The following NXPH2 variants were observed in gnomAD, a reference collection of about 807,000 sequenced individuals.
NXPH2 encodes neurexophilin 2, also known as neurexophilin-2.
A neutral mutation model predicts 19.8 loss-of-function variants in NXPH2; 5 were observed. The ratio of observed to expected loss-of-function variants is 0.25; its 90% confidence interval spans 0.13 to 0.53. The LOEUF (loss-of-function observed/expected upper bound fraction) is 0.53. NXPH2 is among the 20% of genes least tolerant of loss of function. The probability of loss-of-function intolerance (pLI) is 0.96; values close to 1 mark genes in which losing one functional copy is unlikely to be tolerated. For synonymous variants in NXPH2, 154 were observed against 127.4 expected (o/e 1.21, Z -1.41); for missense variants, 289 against 322.8 (o/e 0.90, Z 0.80).
intron 1 of NXPH2, among the ~76,000 whole-genome samples, chr2:138,753,741 C>T (rs1237782397): frequency 1.3e-5 from 2 of 152,258 alleles, no homozygotes; most frequent in Non-Finnish European, 2.9e-5. Context: ...TAAATTCCAG[C>T]TTCAGAGTGA....
intron 1 of NXPH2, among the ~76,000 whole-genome samples, chr2:138,680,125 G>C (rs1396253784): frequency 2.0e-5 from 3 of 152,180 alleles, no homozygotes; most frequent in African/African-American, 7.2e-5. Flanking sequence ...TGATTTATTA[G>C]AAGGATTTGG....
At chr2:138,722,210 G>A (rs1573966626) in intron 1 of NXPH2, among the ~76,000 whole-genome samples, 1 of 152,216 alleles carries the variant, frequency 6.6e-6, no homozygotes, top group Non-Finnish European at 1.5e-5. Context: ...AACTAACTGA[G>A]AACTGCTTTT....
At chr2:138,726,188 G>A (rs1030955389) in intron 1 of NXPH2, among the ~76,000 whole-genome samples, 9 of 151,900 alleles carry the variant, frequency 5.9e-5, no homozygotes, top group Admixed American at 4.6e-4. Context: ...GATTACATGC[G>A]CCTGCCACCG....
intron 1 of NXPH2, among the ~76,000 whole-genome samples, chr2:138,760,432 G>C (rs1681992164): frequency 1.3e-5 from 2 of 152,200 alleles, no homozygotes; most frequent in South Asian, 4.1e-4. Flanking sequence ...ATTCTGGGAA[G>C]ATATATATAG....
At chr2:138,722,036 A>C (rs549516742) in intron 1 of NXPH2, among the ~76,000 whole-genome samples, 1 of 152,372 alleles carries the variant, frequency 6.6e-6, no homozygotes, top group Non-Finnish European at 1.5e-5. Context: ...TAGCTGCTCC[A>C]CTTATGCTAT....
intron 1 of NXPH2, among the ~76,000 whole-genome samples, chr2:138,675,061 C>T (rs989027265): frequency 1.3e-5 from 2 of 152,114 alleles, no homozygotes; most frequent in Non-Finnish European, 2.9e-5. Flanking sequence ...TTTAAGCTTG[C>T]TTTTAAAAAT....
At chr2:138,713,973 CA>C (rs202017615) in intron 1 of NXPH2, among the ~76,000 whole-genome samples, 5,297 of 142,366 alleles carry the variant, frequency 0.037, 111 homozygotes, top group African/African-American at 0.054. Flanking sequence ...AACAAAAAAG[CA>C]AAAAAAAAAA....
intron 1 of NXPH2, among the ~76,000 whole-genome samples, chr2:138,744,287 C>CT (rs1681691634): frequency 6.6e-6 from 1 of 152,044 alleles, no homozygotes. Flanking sequence ...GATAAATAGT[C>CT]TGTGAAACTG....
intron 1 of NXPH2, among the ~76,000 whole-genome samples, chr2:138,751,847 A>G (rs1474223633): frequency 1.3e-5 from 2 of 152,100 alleles, no homozygotes; most frequent in South Asian, 2.1e-4. Context: ...GTTGTAAGTA[A>G]TACTGAATTT....
intron 1 of NXPH2, among the ~76,000 whole-genome samples, chr2:138,717,536 T>C (rs1298458300): frequency 6.6e-6 from 1 of 151,732 alleles, no homozygotes; most frequent in African/African-American, 2.4e-5. Context: ...AGCACCTCTC[T>C]TGGAAAAAGG....
chr2:138,676,651 T>C (rs1680488443), intron 1 of NXPH2, among the ~76,000 whole-genome samples: 1 of 152,194 alleles, frequency 6.6e-6, no homozygotes, highest in South Asian at 2.1e-4. Flanking sequence ...ACTAAAAGAA[T>C]GGACGGAAAT....
intron 1 of NXPH2, among the ~76,000 whole-genome samples, chr2:138,711,270 A>G (rs1681102343): frequency 6.6e-6 from 1 of 150,888 alleles, no homozygotes; most frequent in Non-Finnish European, 1.5e-5. Flanking sequence ...CCTCCGGAGT[A>G]GCTGGGATTA....
intron 1 of NXPH2, among the ~76,000 whole-genome samples, chr2:138,727,115 A>AT (rs200682468): frequency 3.3e-5 from 5 of 152,120 alleles, no homozygotes; most frequent in African/African-American, 1.2e-4. Flanking sequence ...TTGATGGTTC[A>AT]TTTTTTTAAA....
At chr2:138,774,400 T>C (rs1471576741) in intron 1 of NXPH2, among the ~76,000 whole-genome samples, 1 of 152,212 alleles carries the variant, frequency 6.6e-6, no homozygotes, top group Non-Finnish European at 1.5e-5. Context: ...TCTAAGTATA[T>C]ACATCACTTG....
chr2:138,747,488 T>G (rs1353030571), intron 1 of NXPH2, among the ~76,000 whole-genome samples: 2 of 152,162 alleles, frequency 1.3e-5, no homozygotes, highest in Admixed American at 6.5e-5. Flanking sequence ...ACTTGGCCCC[T>G]GATTGTGACC....
chr2:138,690,485 G>A (rs536465032), intron 1 of NXPH2, among the ~76,000 whole-genome samples: 1 of 151,846 alleles, frequency 6.6e-6, no homozygotes, highest in South Asian at 2.1e-4. Flanking sequence ...GGTTAAGAAG[G>A]TGCTTCTAGA....
At chr2:138,701,489 A>C (rs1159475196) in intron 1 of NXPH2, among the ~76,000 whole-genome samples, 2 of 152,158 alleles carry the variant, frequency 1.3e-5, no homozygotes, top group Non-Finnish European at 2.9e-5. Flanking sequence ...CACCAACTAC[A>C]CACAAGGTAC....
At chr2:138,723,160 ACAAG>A (rs35323726) in intron 1 of NXPH2, among the ~76,000 whole-genome samples, 8 of 151,600 alleles carry the variant, frequency 5.3e-5, no homozygotes, top group African/African-American at 1.7e-4. Context: ...ACACAAACAG[ACAAG>A]CAAGCAAGCA....
At chr2:138,734,105 C>G (rs1264897042) in intron 1 of NXPH2, among the ~76,000 whole-genome samples, 1 of 152,044 alleles carries the variant, frequency 6.6e-6, no homozygotes, top group Non-Finnish European at 1.5e-5. Flanking sequence ...ATTAGCCAGG[C>G]ATCATGTTGG....
Sources: gnomAD v4.1 joint callset for allele counts (sites outside exome capture counted in the v4.1 genomes callset) on GRCh38, gnomAD v4.1.1 for gene constraint, MANE v1.5 for transcripts, NCBI Gene and HGNC (gene_info 2026-07-23, HGNC 2026-07-21) for gene names.